The following KIF1A variants were observed in gnomAD, a reference collection of about 807,000 sequenced individuals.
The protein encoded by KIF1A is kinesin-like protein KIF1A.
In KIF1A, 46 loss-of-function variants were observed where a neutral mutation model predicts 227.3. The ratio of observed to expected loss-of-function variants is 0.20; its 90% CI spans 0.16 to 0.26. KIF1A has a LOEUF of 0.26. Ranked by LOEUF, KIF1A falls within the 10% of genes least tolerant of loss-of-function variation. The probability of loss-of-function intolerance (pLI) is 1.00; values close to 1 mark genes in which losing one functional copy is unlikely to be tolerated. For missense variants in KIF1A, 1,683 were observed against 2,485.9 expected (o/e 0.68, Z 6.87); for synonymous variants, 1,022 against 1,012.8 (o/e 1.01, Z -0.17).
rs748464097 is a variant in KIF1A, at chr2:240,719,929, G to A, written c.4869-3C>T. The A allele has an allele frequency of 6.2e-7, 1 of 1,603,770 alleles. No individual in the cohort carries two copies. On this transcript the variant is annotated splice_region_variant and splice_polypyrimidine_tract_variant and intron_variant, in intron 45 of 48. Transcript: ENST00000498729. The stretch of plus-strand genomic sequence containing the variant: ...GCCGGGAGCAGGGCTGCGGGGTCCT[G>A]GGAAGCAGAGGGAAGTGCTGCCCAC...
intron 17 of KIF1A, among the ~76,000 whole-genome samples, chr2:240,768,689 C>T (rs998899605): frequency 4.6e-5 from 7 of 152,180 alleles, no homozygotes; most frequent in Admixed American, 3.9e-4. Context: ...ACCCCTTAGG[C>T]CTGGCCTGGT....
At chr2:240,761,795 A>C (rs1654127862) in intron 23 of KIF1A, among the ~76,000 whole-genome samples, 1 of 152,210 alleles carries the variant, frequency 6.6e-6, no homozygotes, top group Admixed American at 6.5e-5. Context: ...CAGGCTGAAG[A>C]TCAGAGTGGC....
chr2:240,769,751 A>C (rs1308017524), intron 15 of KIF1A, 45 bp from the exon 16 acceptor site: 6 of 1,530,972 alleles, frequency 3.9e-6, no homozygotes, highest in Middle Eastern at 1.7e-4. Context: ...GGCTAGGGCC[A>C]AGGGAGAGGA....
In KIF1A at chr2:240,788,071, G is replaced by T; in HGVS notation, c.343C>A (p.Gln115Lys). Residue 115 changes from glutamine to lysine, a missense_variant, in exon 4 of 49, where the codon CAG becomes AAG. Around this residue, in one of 12 missense-constraint regions of KIF1A, gnomAD observed 75 missense variants for 131.2 expected, o/e 0.57. Coordinates refer to ENST00000498729, the MANE Select transcript of KIF1A (RefSeq NM_001244008.2). This position sits in a 1 kb window ranked among gnomAD's most constrained non-coding sequence, Gnocchi z 6.6. Reference protein sequence around the residue: ...YTMMGKQEKDQQGIIPQLCED... With the variant: ...YTMMGKQEKDKQGIIPQLCED... Reference sequence around the variant, plus strand: ...CGTGCCTGTGGGATGATGCCCTGCTGGTCCTTCTCCTGCTTGCCCATCATG... The same window carrying T: ...CGTGCCTGTGGGATGATGCCCTGCTTGTCCTTCTCCTGCTTGCCCATCATG... 2 of 1,577,694 alleles carry T rather than the reference G, an allele frequency of 1.3e-6. No individual in the cohort carries two copies. Among genetic ancestry groups the T allele is most frequent in the East Asian group, 2.3e-5 (1 of 42,872 alleles).
chr2:240,725,842 C>A lies in KIF1A; in HGVS notation c.4123-438G>T, dbSNP rs1221942805. 1 of 161,342 alleles carries A rather than the reference C, an allele frequency of 6.2e-6. No homozygotes were observed. Among genetic ancestry groups the A allele is most frequent in the African/African-American group, 2.4e-5 (1 of 41,596 alleles). 10.0% of individuals were successfully genotyped at this position (161,342 alleles called of 1,614,324 possible). A position where few individuals can be genotyped will look rare whatever the true frequency, so the allele number is the denominator to read the frequency against. ...GGTGGATGACACGCTAACTGCTGAA[C>A]AGCTGGCCCCTTTGTCTTCCTGAAG... On this transcript the variant is annotated intron_variant, in intron 39 of 48. Coordinates refer to ENST00000498729, the MANE Select transcript of KIF1A (RefSeq NM_001244008.2). The surrounding 1 kb of genome is among the most constrained non-coding windows in gnomAD (Gnocchi z 5.8).
At chr2:240,760,211 G>T (rs535015593) in intron 25 of KIF1A, among the ~76,000 whole-genome samples, 2 of 152,106 alleles carry the variant, frequency 1.3e-5, no homozygotes, top group Admixed American at 6.5e-5. Flanking sequence ...TCCACCTCCC[G>T]GCAGCTTCCT....
At chr2:240,765,843 C>A (rs2051102467) in intron 19 of KIF1A, 50 bp from the exon 20 acceptor site, 1 of 1,399,540 alleles carries the variant, frequency 7.1e-7, no homozygotes, top group Non-Finnish European at 1.0e-6. Flanking sequence ...GGGGCTGTCA[C>A]CTACAGCAGC....
chr2:240,773,779 T>C (rs2052339950), intron 12 of KIF1A, among the ~76,000 whole-genome samples: 1 of 152,134 alleles, frequency 6.6e-6, no homozygotes. Flanking sequence ...GAGCAGCCTC[T>C]AGCATGGCTA....
chr2:240,772,628 G>A (rs1315812865), intron 13 of KIF1A, 32 bp from the exon 14 acceptor site: 1 of 1,515,796 alleles, frequency 6.6e-7, no homozygotes, highest in African/African-American at 1.4e-5. Context: ...GGGAGGGGGA[G>A]AGACAGAGAA....
rs1014040348 is a variant in KIF1A, at chr2:240,716,925, G to C, written c.*439C>G. On this transcript the variant is annotated 3_prime_UTR_variant, in exon 49 of 49. Coordinates refer to ENST00000498729, the MANE Select transcript of KIF1A (RefSeq NM_001244008.2). ...ACAAACAGGGTGGAGGTGGTTGGGG[G>C]TTCCATCTGAATATTACAGGGCTAT... 2 of 155,472 alleles carry C rather than the reference G, an allele frequency of 1.3e-5. No individual in the cohort carries two copies. Among genetic ancestry groups the C allele is most frequent in the Non-Finnish European group, 1.4e-5 (1 of 70,174 alleles). The allele number at this position is 155,472 out of a possible 1,614,324, so 9.6% of individuals were successfully genotyped here. A position where few individuals can be genotyped will look rare whatever the true frequency, so the allele number is the denominator to read the frequency against.
At chr2:240,762,188 G>A (rs1310384748) in intron 23 of KIF1A, among the ~76,000 whole-genome samples, 1 of 152,238 alleles carries the variant, frequency 6.6e-6, no homozygotes. Flanking sequence ...AGGCTGAGAT[G>A]GGTGCAAACC....
At chr2:240,787,208 C>G (rs762279069) in intron 5 of KIF1A, 43 bp downstream of exon 5, 2 of 1,518,674 alleles carry the variant, frequency 1.3e-6, no homozygotes, top group South Asian at 1.1e-5. Context: ...ACACCAGATT[C>G]CCAGCCCTGC....
chr2:240,773,293 C>T (rs1210060476), intron 12 of KIF1A, 37 bp from the exon 13 acceptor site: 3 of 1,612,180 alleles, frequency 1.9e-6, no homozygotes, highest in Admixed American at 1.7e-5. Flanking sequence ...GTGCTCGGGA[C>T]AGGTCCACAT....
At chr2:240,799,800 A>G (rs3755539) in intron 1 of KIF1A, among the ~76,000 whole-genome samples, 19,101 of 152,224 alleles carry the variant, frequency 0.13, 1,514 homozygotes, top group Middle Eastern at 0.21. Flanking sequence ...CCCTTGACTC[A>G]GTAATCCCAA....
chr2:240,798,418 G>A (rs979465443), intron 1 of KIF1A, among the ~76,000 whole-genome samples: 7 of 152,214 alleles, frequency 4.6e-5, no homozygotes, highest in Admixed American at 4.6e-4. Context: ...GGTAATTCAC[G>A]CAGAAGGTGG....
intron 1 of KIF1A, among the ~76,000 whole-genome samples, chr2:240,814,237 C>T (rs1234620666): frequency 2.0e-5 from 3 of 152,054 alleles, no homozygotes; most frequent in East Asian, 1.9e-4. Flanking sequence ...TCCTTACACC[C>T]GTCGACATGA....
At position 240,761,283 on chromosome 2, in the gene KIF1A, G is replaced by T. The variant is rs566937002; in HGVS notation, c.2211C>A (p.Gly737=). The T allele has an allele frequency of 6.2e-7, 1 of 1,613,904 alleles. No individual in the cohort carries two copies. Among genetic ancestry groups the T allele is most frequent in the South Asian group, 1.1e-5 (1 of 91,076 alleles). Residue 737 remains glycine, a synonymous_variant, in exon 24 of 49, where the codon GGC becomes GGA. Coordinates refer to ENST00000498729, the MANE Select transcript of KIF1A (RefSeq NM_001244008.2). ...QFTSLRDLLW[G]NAIFLKEANA... ...TGGCCTCCTTGAGGAAGATGGCGTT[G>T]CCCCACAGCAGGTCCCGCAGAGACG...
chr2:240,772,026 G>A (rs2052072360), intron 14 of KIF1A, among the ~76,000 whole-genome samples: 1 of 152,244 alleles, frequency 6.6e-6, no homozygotes, highest in South Asian at 2.1e-4. Flanking sequence ...CAGACCCGAG[G>A]CCAGGAGGCA....
At chr2:240,807,078 A>ATGTGTGTGTG (rs67918205) in intron 1 of KIF1A, among the ~76,000 whole-genome samples, 5 of 95,254 alleles carry the variant, frequency 5.2e-5, no homozygotes, top group African/African-American at 1.1e-4. Flanking sequence ...CCTCATATAT[A>ATGTGTGTGTG]TGTGTGTGTG....
Sources: gnomAD v4.1 joint callset for allele counts (sites outside exome capture counted in the v4.1 genomes callset) on GRCh38, gnomAD v4.1.1 for gene constraint, gnomAD v4.1.1 regional missense constraint, Gnocchi (gnomAD v3.1) non-coding constraint, MANE v1.5 for transcripts, NCBI Gene and HGNC (gene_info 2026-07-23, HGNC 2026-07-21) for gene names.